Variants in NDUFAF6 observed in about 807,000 individuals in gnomAD.
NDUFAF6 encodes NADH:ubiquinone oxidoreductase complex assembly factor 6, also known as NADH dehydrogenase (ubiquinone) complex I, assembly factor 6.
A neutral mutation model predicts 40.8 loss-of-function variants in NDUFAF6; 45 were observed. The observed-to-expected ratio is 1.10, with a 90% CI of 0.87 to 1.42. NDUFAF6 has a LOEUF of 1.42. NDUFAF6 is among the 40% of genes most tolerant of loss of function. The pLI is 0.00. For missense variants in NDUFAF6, 435 were observed against 418.5 expected (o/e 1.04, Z -0.34); for synonymous variants, 185 against 155.9 (o/e 1.19, Z -1.39).
At chr8:94,956,026 T>C (rs148060721), upstream of NDUFAF6, among the ~76,000 whole-genome samples, 18 of 152,312 alleles carry the variant, frequency 1.2e-4, no homozygotes, top group African/African-American at 3.6e-4. Flanking sequence ...CTGAATCAGC[T>C]GAATCTAATG....
At chr8:94,929,266 C>G (rs1056777994) in intron 1 of NDUFAF6, 4 of 152,088 alleles carry the variant, frequency 2.6e-5, no homozygotes, top group South Asian at 2.1e-4. Flanking sequence ...GTATAGAATC[C>G]TCACAGTGAC....
chr8:94,955,917 C>T (rs1823030098), upstream of NDUFAF6, among the ~76,000 whole-genome samples: 1 of 152,172 alleles, frequency 6.6e-6, no homozygotes, highest in Non-Finnish European at 1.5e-5. Flanking sequence ...ACTTTACCTG[C>T]TCAAACACAA....
intron 1 of NDUFAF6, chr8:94,928,173 G>A (rs1338631562): frequency 6.6e-6 from 1 of 150,630 alleles, no homozygotes; most frequent in African/African-American, 2.4e-5. Context: ...GTAATTTTTT[G>A]TTTTCTAGGT....
chr8:94,990,780 A>G (rs1826157630), intron 2 of NDUFAF6, among the ~76,000 whole-genome samples: 1 of 152,254 alleles, frequency 6.6e-6, no homozygotes, highest in Admixed American at 6.5e-5. Flanking sequence ...CTTCCTCATG[A>G]CAACTGTTAA....
intron 1 of NDUFAF6, among the ~76,000 whole-genome samples, chr8:95,027,586 A>G (rs1026149060): frequency 1.1e-4 from 17 of 152,004 alleles, no homozygotes; most frequent in South Asian, 4.2e-4. Flanking sequence ...TCTCAAAAAA[A>G]AAAAAAAAAA....
exon 10 of NDUFAF6, chr8:95,076,039 T>TC (rs1343143673): frequency 2.8e-5 from 5 of 177,602 alleles, no homozygotes; most frequent in African/African-American, 1.2e-4. Context: ...CCTGGTTATA[T>TC]CATAAAAGGG....
At position 95,084,205 on chromosome 8, in the gene NDUFAF6, A is replaced by AT. The variant is rs555603623; in HGVS notation, n.213+8461dup. 2.1e-3 allele frequency among the ~76,000 whole-genome samples: 317 copies of AT among 151,592 alleles called. 1 individual carries two copies. The highest frequency in any genetic ancestry group is 7.4e-3 in the African/African-American group (308 of 41,366). On this transcript the variant is annotated intron_variant and non_coding_transcript_variant, in intron 2 of 5. Coordinates refer to the NDUFAF6 transcript ENST00000523184. ...CATTTCTTTTGGTGGTATTCCTAGG[A>AT]TTTTTTTTCTATTGTGAATGCAAAA...
intron 9 of NDUFAF6, among the ~76,000 whole-genome samples, chr8:95,065,229 C>A (rs1480620796): frequency 6.6e-6 from 1 of 152,152 alleles, no homozygotes; most frequent in African/African-American, 2.4e-5. Context: ...GTAAAACAAC[C>A]TTGGGCATGC....
At chr8:95,020,315 T>G (rs1033543920), upstream of NDUFAF6, among the ~76,000 whole-genome samples, 2 of 152,234 alleles carry the variant, frequency 1.3e-5, no homozygotes, top group Non-Finnish European at 2.9e-5. Context: ...ACTGTAAGGC[T>G]TGACTATTAA....
intron 2 of NDUFAF6, among the ~76,000 whole-genome samples, chr8:94,949,854 T>A (rs993007578): frequency 6.6e-6 from 1 of 152,072 alleles, no homozygotes; most frequent in African/African-American, 2.4e-5. Context: ...GGCTAACGCC[T>A]CCGAGAGCCC....
At chr8:95,030,772 T>G (rs1278404996) in intron 1 of NDUFAF6, among the ~76,000 whole-genome samples, 1 of 152,226 alleles carries the variant, frequency 6.6e-6, no homozygotes, top group African/African-American at 2.4e-5. Context: ...TATCTGAGAC[T>G]TGGTAATTTG....
chr8:95,110,978 C>T (rs963163371), intron 4 of NDUFAF6, among the ~76,000 whole-genome samples: 3 of 152,196 alleles, frequency 2.0e-5, no homozygotes, highest in South Asian at 2.1e-4. Context: ...CATCCCAACT[C>T]GCTGATCCCC....
intron 2 of NDUFAF6, among the ~76,000 whole-genome samples, chr8:95,094,369 C>CT (rs1479535253): frequency 7.9e-6 from 1 of 126,464 alleles, no homozygotes; most frequent in Non-Finnish European, 1.7e-5. Context: ...TCTTTCTTTT[C>CT]TTTTCTTTCC....
At chr8:94,940,869 C>T (rs748795881) in intron 1 of NDUFAF6, 4 of 1,613,760 alleles carry the variant, frequency 2.5e-6, no homozygotes, top group Non-Finnish European at 3.4e-6. Flanking sequence ...TCTTCTTTCT[C>T]ATTGAATTCT....
At chr8:95,094,575 G>T (rs1331435127) in intron 2 of NDUFAF6, among the ~76,000 whole-genome samples, 3 of 150,934 alleles carry the variant, frequency 2.0e-5, no homozygotes, top group African/African-American at 7.3e-5. Flanking sequence ...ACCATGCCTG[G>T]CTAATTTTTA....
At chr8:94,979,705 G>A (rs1825253591) in intron 1 of NDUFAF6, among the ~76,000 whole-genome samples, 1 of 152,108 alleles carries the variant, frequency 6.6e-6, no homozygotes, top group South Asian at 2.1e-4. Flanking sequence ...AAATGTTTAT[G>A]ACATAATGCT....
chr8:95,091,069 A>G (rs1404944852), intron 2 of NDUFAF6, among the ~76,000 whole-genome samples: 8 of 145,710 alleles, frequency 5.5e-5, no homozygotes, highest in Admixed American at 2.8e-4. Flanking sequence ...TATATATCCT[A>G]TATATCCTAT....
intron 2 of NDUFAF6, among the ~76,000 whole-genome samples, chr8:94,994,779 A>G (rs1826346865): frequency 6.6e-6 from 1 of 152,118 alleles, no homozygotes; most frequent in African/African-American, 2.4e-5. Flanking sequence ...GTTACAGTGA[A>G]CTATCATATG....
At chr8:94,985,713 T>C (rs1322823790) in intron 2 of NDUFAF6, among the ~76,000 whole-genome samples, 1 of 148,676 alleles carries the variant, frequency 6.7e-6, no homozygotes, top group East Asian at 2.0e-4. Flanking sequence ...TTTTTGTATT[T>C]TTAGTAGAGA....
Sources: gnomAD v4.1 joint callset for allele counts (sites outside exome capture counted in the v4.1 genomes callset) on GRCh38, gnomAD v4.1.1 for gene constraint, MANE v1.5 for transcripts, NCBI Gene and HGNC (gene_info 2026-07-23, HGNC 2026-07-21) for gene names.